Variants in ATF3 observed in about 807,000 individuals in gnomAD.
ATF3 encodes cyclic AMP-dependent transcription factor ATF-3.
In ATF3, 10 loss-of-function variants were observed where a neutral mutation model predicts 18.4. The observed-to-expected ratio is 0.54, with a 90% CI of 0.34 to 0.92. The LOEUF (loss-of-function observed/expected upper bound fraction) is 0.92, where lower values mean the gene tolerates loss of function less well. Ranked by LOEUF, ATF3 falls within the 40% of genes least tolerant of loss-of-function variation. The pLI is 0.02. For synonymous variants in ATF3, 78 were observed against 87.9 expected (o/e 0.89, Z 0.63); for missense variants, 183 against 222.3 (o/e 0.82, Z 1.12).
chr1:212,619,115 A>C lies in ATF3; in HGVS notation c.349-243A>C. On this transcript the variant is annotated intron_variant, in intron 3 of 3. Transcript: ENST00000341491. This position sits in a 1 kb window ranked among gnomAD's most constrained non-coding sequence, Gnocchi z 4.4. ...TGACTCATGCAAATGAGGTATCTGA[A>C]CTGCAGCTTCAGTATTAGCAGAGCC... 1 of 1,614,016 alleles carries C rather than the reference A, an allele frequency of 6.2e-7. No homozygotes were observed.
At chr1:212,580,539 GT>G in intron 1 of ATF3, among the ~76,000 whole-genome samples, 1 of 152,222 alleles carries the variant, frequency 6.6e-6, no homozygotes, top group Middle Eastern at 3.4e-3. Context: ...CTGAGTTCAA[GT>G]GATGATCCAC....
intron 1 of ATF3, among the ~76,000 whole-genome samples, chr1:212,576,229 T>C (rs1236704411): frequency 6.6e-6 from 1 of 152,106 alleles, no homozygotes; most frequent in Non-Finnish European, 1.5e-5. Flanking sequence ...TTTCCATATT[T>C]ATTCAGATGC....
At chr1:212,570,755 T>TAATG (rs1371820984) in intron 1 of ATF3, among the ~76,000 whole-genome samples, 1 of 152,214 alleles carries the variant, frequency 6.6e-6, no homozygotes, top group Non-Finnish European at 1.5e-5. Context: ...TTTGACAGCA[T>TAATG]AATGTTTTTG....
chr1:212,605,892 T>C (rs1258112559), upstream of ATF3, among the ~76,000 whole-genome samples: 5 of 152,324 alleles, frequency 3.3e-5, no homozygotes, highest in East Asian at 1.9e-4. Context: ...CCCTCTTTCA[T>C]TGAGGATTAA....
At chr1:212,585,701 T>C (rs1664767450) in intron 1 of ATF3, among the ~76,000 whole-genome samples, 2 of 152,246 alleles carry the variant, frequency 1.3e-5, no homozygotes, top group Admixed American at 1.3e-4. Flanking sequence ...CTTCTTCAGA[T>C]AAACTCAGCC....
chr1:212,601,808 A>G (rs912891586), intron 1 of ATF3, among the ~76,000 whole-genome samples: 8 of 152,208 alleles, frequency 5.3e-5, no homozygotes, highest in African/African-American at 1.9e-4. Context: ...ATGAGGGTCT[A>G]GACACTTTGG....
chr1:212,616,931 C>T (rs559096909), intron 2 of ATF3, among the ~76,000 whole-genome samples: 1 of 152,070 alleles, frequency 6.6e-6, no homozygotes, highest in Non-Finnish European at 1.5e-5. Flanking sequence ...GTGGCAAGAG[C>T]AGGAGGTCTG....
upstream of ATF3, among the ~76,000 whole-genome samples, chr1:212,607,665 AGAACACGT>A (rs1183392557): frequency 1.3e-5 from 2 of 152,204 alleles, no homozygotes; most frequent in African/African-American, 4.8e-5. Flanking sequence ...TGGGAGCAGA[AGAACACGT>A]GAAAGCTGAA....
At chr1:212,579,990 A>G (rs1375466004) in intron 1 of ATF3, among the ~76,000 whole-genome samples, 2 of 151,868 alleles carry the variant, frequency 1.3e-5, no homozygotes, top group African/African-American at 2.4e-5. Flanking sequence ...TAAAAAAAAA[A>G]AAAAAACTTA....
chr1:212,591,574 A>G (rs569979880), intron 1 of ATF3, among the ~76,000 whole-genome samples: 4 of 152,310 alleles, frequency 2.6e-5, no homozygotes, highest in East Asian at 1.9e-4. Context: ...CACTCTTCCA[A>G]TCAGCTGGGC....
At chr1:212,599,287 A>G (rs989179920) in intron 1 of ATF3, among the ~76,000 whole-genome samples, 19 of 152,188 alleles carry the variant, frequency 1.2e-4, no homozygotes, top group African/African-American at 3.4e-4. Context: ...TGTTTAAATA[A>G]GTGTCTAGTT....
intron 1 of ATF3, among the ~76,000 whole-genome samples, chr1:212,584,519 C>A (rs1347926577): frequency 6.6e-6 from 1 of 152,144 alleles, no homozygotes; most frequent in Non-Finnish European, 1.5e-5. Flanking sequence ...GGCAGTCAGG[C>A]AGGAGGAGTT....
At chr1:212,581,693 TA>T (rs1436485760) in intron 1 of ATF3, among the ~76,000 whole-genome samples, 1 of 152,080 alleles carries the variant, frequency 6.6e-6, no homozygotes, top group African/African-American at 2.4e-5. Flanking sequence ...TTGATTTTCA[TA>T]AAATGAAAAT....
rs541157482 is a variant in ATF3 at position 212,590,863 on chromosome 1, A to G, written c.-4-24155A>G. Among the ~76,000 whole-genome samples the G allele has an allele frequency of 4.6e-5, 7 of 152,332 alleles. No homozygotes were observed. In the South Asian group the frequency reaches 1.2e-3, roughly 27 times the overall value. On this transcript the variant is annotated intron_variant, in intron 1 of 3. Transcript: ENST00000366981. ...ATAATGTACTTTCATGGCTCTTACT[A>G]TAAGGTAAGGGCGCCAACCACTTAG...
At chr1:212,573,861 A>G (rs1279652370) in intron 1 of ATF3, among the ~76,000 whole-genome samples, 3 of 151,740 alleles carry the variant, frequency 2.0e-5, no homozygotes, top group Non-Finnish European at 4.4e-5. Flanking sequence ...AATTTTGCAA[A>G]GTATTGTCTT....
chr1:212,606,735 C>A (rs532589772), upstream of ATF3, among the ~76,000 whole-genome samples: 12 of 152,362 alleles, frequency 7.9e-5, no homozygotes, highest in South Asian at 2.5e-3. Flanking sequence ...CCAGAACAAT[C>A]TATAAGTAGA....
intron 1 of ATF3, among the ~76,000 whole-genome samples, chr1:212,586,924 G>A (rs1046641960): frequency 6.6e-6 from 1 of 152,218 alleles, no homozygotes; most frequent in Non-Finnish European, 1.5e-5. Context: ...AGTACAATGA[G>A]CAGCTTCTTA....
upstream of ATF3, among the ~76,000 whole-genome samples, chr1:212,606,856 C>T (rs929260124): frequency 2.0e-5 from 3 of 152,238 alleles, no homozygotes; most frequent in East Asian, 5.8e-4. Context: ...GGTTTACCTG[C>T]GCGCACTCCA....
chr1:212,602,916 A>G (rs182992906), intron 1 of ATF3, among the ~76,000 whole-genome samples: 56 of 152,338 alleles, frequency 3.7e-4, no homozygotes, highest in Non-Finnish European at 6.6e-4. Context: ...CCACATATCT[A>G]TATATGTTTA....
Sources: gnomAD v4.1 joint callset for allele counts (sites outside exome capture counted in the v4.1 genomes callset) on GRCh38, gnomAD v4.1.1 for gene constraint, Gnocchi (gnomAD v3.1) non-coding constraint, MANE v1.5 for transcripts, NCBI Gene and HGNC (gene_info 2026-07-23, HGNC 2026-07-21) for gene names.